Variants in PCDH15 observed in about 807,000 individuals in gnomAD.
The protein encoded by PCDH15 is protocadherin related 15.
PCDH15 carries 129 observed loss-of-function variants against 178.5 expected under a neutral mutation model. The observed-to-expected ratio is 0.72, with a 90% CI of 0.63 to 0.84. The LOEUF (loss-of-function observed/expected upper bound fraction) is 0.84, where lower values mean the gene tolerates loss of function less well. Ranked by LOEUF, PCDH15 falls within the 40% of genes least tolerant of loss-of-function variation. The pLI is 0.00. For synonymous variants in PCDH15, 800 were observed against 732.0 expected (o/e 1.09, Z -1.50); for missense variants, 2,230 against 2,099.9 (o/e 1.06, Z -1.21).
intron 25 of PCDH15, among the ~76,000 whole-genome samples, chr10:53,910,762 C>T (rs1400822840): frequency 6.6e-6 from 1 of 151,964 alleles, no homozygotes; most frequent in Non-Finnish European, 1.5e-5. Context: ...AGCTAAAAAC[C>T]TTAAAAAAAG....
At chr10:54,210,101 C>T (rs1214934627) in intron 10 of PCDH15, among the ~76,000 whole-genome samples, 1 of 152,070 alleles carries the variant, frequency 6.6e-6, no homozygotes, top group African/African-American at 2.4e-5. Flanking sequence ...TTAGAAGAAA[C>T]ACATTTTTTG....
chr10:54,200,734 T>C (rs2384401), intron 10 of PCDH15, among the ~76,000 whole-genome samples: 136,848 of 152,156 alleles, frequency 0.9, 61,694 homozygotes, highest in East Asian at 0.98. Context: ...CTCTTCCTAT[T>C]TTACTACCCA....
Position 54,866,181 on chromosome 10 carries a change from T to A in PCDH15, c.-29+31269A>T, listed in dbSNP as rs10825410. ...GAATAGTTTTGAATAGTTTAGTTCA[T>A]GCGTTAAATTAGAACTTTAATTCAA... On this transcript the variant is annotated intron_variant, in intron 3 of 5. Transcript: ENST00000458638. 2.6e-5 allele frequency among the ~76,000 whole-genome samples: 4 copies of A among 152,030 alleles called. No homozygotes were observed. The East Asian group carries it at 7.7e-4, about 29-fold the overall frequency.
chr10:54,580,716 C>A (rs972635188), intron 2 of PCDH15, among the ~76,000 whole-genome samples: 1 of 151,998 alleles, frequency 6.6e-6, no homozygotes, highest in East Asian at 1.9e-4. Flanking sequence ...CACTAGCAAA[C>A]CTGATCCAAC....
chr10:54,236,651 T>C (rs905321022), intron 9 of PCDH15, among the ~76,000 whole-genome samples, 172 bp downstream of exon 9: 5 of 152,134 alleles, frequency 3.3e-5, no homozygotes, highest in East Asian at 1.9e-4. Context: ...GTCCAACAAA[T>C]TGAGGAAGCA....
intron 8 of PCDH15, among the ~76,000 whole-genome samples, chr10:54,286,771 C>A (rs1435698209): frequency 2.6e-5 from 4 of 152,126 alleles, no homozygotes; most frequent in Non-Finnish European, 5.9e-5. Flanking sequence ...GGATTACAAG[C>A]ACCACCACCT....
At chr10:53,840,175 A>T in intron 29 of PCDH15, 145 bp downstream of exon 29, 1 of 868,324 alleles carries the variant, frequency 1.2e-6, no homozygotes, top group Non-Finnish European at 1.7e-6. Flanking sequence ...TGAGAATCCT[A>T]GGTATTTCAG....
intron 8 of PCDH15, among the ~76,000 whole-genome samples, chr10:54,284,712 G>A (rs2058926806): frequency 6.6e-6 from 1 of 152,200 alleles, no homozygotes; most frequent in South Asian, 2.1e-4. Flanking sequence ...ATGAGAAGTT[G>A]ATGATGCAGT....
chr10:54,096,609 T>C (rs998999655), intron 15 of PCDH15, among the ~76,000 whole-genome samples: 2 of 152,190 alleles, frequency 1.3e-5, no homozygotes, highest in Non-Finnish European at 2.9e-5. Context: ...GCACCTTTTG[T>C]GGTCTGCAGA....
At chr10:54,132,729 C>T in intron 15 of PCDH15, 146 bp downstream of exon 15, 1 of 1,388,916 alleles carries the variant, frequency 7.2e-7, no homozygotes, top group Non-Finnish European at 9.8e-7. Flanking sequence ...CCCTTGCTTT[C>T]CTTTCCAGAT....
At position 54,609,007 on chromosome 10, in the gene PCDH15, C is replaced by T. The variant is rs953314261; in HGVS notation, c.91+55165G>A. On this transcript the variant is annotated intron_variant, in intron 2 of 37. Coordinates refer to ENST00000644397, the MANE Select transcript of PCDH15 (RefSeq NM_001384140.1). ...AGAAGCAACATGAATGATAATCACG[C>T]ACTACAAGCGCACGAATAATGTTTC... Among the ~76,000 whole-genome samples the T allele has an allele frequency of 2.0e-5, 3 of 151,962 alleles. No homozygotes were observed. In the East Asian group the frequency reaches 5.8e-4, roughly 29 times the overall value.
At chr10:55,068,607 A>G (rs2132008839) in intron 2 of PCDH15, among the ~76,000 whole-genome samples, 1 of 152,034 alleles carries the variant, frequency 6.6e-6, no homozygotes, top group Admixed American at 6.6e-5. Context: ...GAATTTTAGG[A>G]TATTTTTTAT....
intron 3 of PCDH15, among the ~76,000 whole-genome samples, chr10:54,879,580 G>T (rs570244684): frequency 1.2e-4 from 18 of 151,778 alleles, no homozygotes; most frequent in Admixed American, 4.6e-4. Flanking sequence ...TTGGAGTAGA[G>T]AAGCAGGCAT....
At chr10:55,057,875 C>A (rs1841342186) in intron 2 of PCDH15, among the ~76,000 whole-genome samples, 1 of 152,058 alleles carries the variant, frequency 6.6e-6, no homozygotes, top group Non-Finnish European at 1.5e-5. Context: ...TTTAAATGAT[C>A]TTTCATTTAT....
intron 1 of PCDH15, among the ~76,000 whole-genome samples, chr10:55,304,902 T>G (rs191160049): frequency 6.6e-6 from 1 of 152,308 alleles, no homozygotes; most frequent in African/African-American, 2.4e-5. Context: ...TCAATTCTAA[T>G]ATTCAATGTA....
chr10:54,974,427 TA>T (rs1839016262), intron 2 of PCDH15, among the ~76,000 whole-genome samples: 1 of 151,750 alleles, frequency 6.6e-6, no homozygotes, highest in Non-Finnish European at 1.5e-5. Context: ...TTTATGTCCA[TA>T]AAAAATTTAA....
At chr10:54,311,113 T>C (rs1427281357) in intron 8 of PCDH15, among the ~76,000 whole-genome samples, 1 of 152,008 alleles carries the variant, frequency 6.6e-6, no homozygotes, top group African/African-American at 2.4e-5. Context: ...AAGATTGAAG[T>C]TGAGATGTTT....
chr10:54,178,945 T>C (rs1590988487), intron 13 of PCDH15, among the ~76,000 whole-genome samples: 1 of 151,996 alleles, frequency 6.6e-6, no homozygotes, highest in Non-Finnish European at 1.5e-5. Flanking sequence ...TGTGGAGAAA[T>C]AGGAACACTT....
In PCDH15 at chr10:54,886,058, T is replaced by C. The variant is rs557537427; in HGVS notation, c.-29+11392A>G. Among the ~76,000 whole-genome samples the C allele has an allele frequency of 1.1e-4, 16 of 151,696 alleles. No individual in the cohort carries two copies. The South Asian group carries it at 3.3e-3, about 31-fold the overall frequency. ...TTCCCCTGCCCTCAATTTAATTTAA[T>C]AAGAAGCTATTTTCAGAATAAATAA... is the stretch of plus-strand genomic sequence containing the variant. On this transcript the variant is annotated intron_variant, in intron 3 of 5. Coordinates refer to the PCDH15 transcript ENST00000458638.
Sources: gnomAD v4.1 joint callset for allele counts (sites outside exome capture counted in the v4.1 genomes callset) on GRCh38, gnomAD v4.1.1 for gene constraint, MANE v1.5 for transcripts, NCBI Gene and HGNC (gene_info 2026-07-23, HGNC 2026-07-21) for gene names.